Variants in CEP164 observed in about 807,000 individuals in gnomAD.
The protein encoded by CEP164 is centrosomal protein of 164 kDa.
Under a neutral mutation model 182.7 loss-of-function variants are expected in CEP164, and 162 were observed. That is an observed-to-expected ratio of 0.89 (90% CI 0.78 to 1.01). The LOEUF (loss-of-function observed/expected upper bound fraction) is 1.01. Ranked by LOEUF, CEP164 falls within the 50% of genes least tolerant of loss-of-function variation. The pLI, the probability that CEP164 is intolerant of heterozygous loss-of-function variation, is 0.00. For missense variants in CEP164, 1,735 were observed against 1,790.4 expected (o/e 0.97, Z 0.56); for synonymous variants, 661 against 690.0 (o/e 0.96, Z 0.66).
chr11:117,330,469 T>C (rs1364400558), intron 1 of CEP164, among the ~76,000 whole-genome samples: 1 of 152,112 alleles, frequency 6.6e-6, no homozygotes, highest in Non-Finnish European at 1.5e-5. Flanking sequence ...GCCAACATGG[T>C]GAAACCCCAT....
At chr11:117,357,255 C>T (rs545469735) in intron 5 of CEP164, among the ~76,000 whole-genome samples, 1 of 151,614 alleles carries the variant, frequency 6.6e-6, no homozygotes, top group East Asian at 2.0e-4. Flanking sequence ...TACAGGTGCT[C>T]ACCACCACTC....
At chr11:117,395,321 C>A in intron 23 of CEP164, 130 bp downstream of exon 23, 1 of 1,206,694 alleles carries the variant, frequency 8.3e-7, no homozygotes, top group South Asian at 1.4e-5. Flanking sequence ...GGCCAGTATT[C>A]CACAAATAGT....
chr11:117,339,859 A>G (rs1234217794), intron 3 of CEP164, among the ~76,000 whole-genome samples: 2 of 151,322 alleles, frequency 1.3e-5, no homozygotes, highest in South Asian at 2.1e-4. Flanking sequence ...CCTCACTGCA[A>G]CTCCATGAGT....
chr11:117,404,696 C>T (rs1487417993), intron 27 of CEP164, among the ~76,000 whole-genome samples: 3 of 152,260 alleles, frequency 2.0e-5, no homozygotes, highest in Admixed American at 2.0e-4. Flanking sequence ...GGGAGATCTG[C>T]TGCTCTCTTC....
Position 117,392,479 on chromosome 11 carries a change from T to A in CEP164, c.2362-17T>A. On this transcript the variant is annotated splice_polypyrimidine_tract_variant and intron_variant, in intron 18 of 32. Transcript: ENST00000278935. ...TCTGAGGGTCACACTCCCCTGTGTG[T>A]GCGGGGGCCTCCTCAGGTGGTCTCC... 1 of 1,610,262 alleles carries A rather than the reference T, an allele frequency of 6.2e-7. No individual in the cohort carries two copies. Among genetic ancestry groups the A allele is most frequent in the Non-Finnish European group, 8.5e-7 (1 of 1,178,198 alleles).
In CEP164 at chr11:117,361,983, AACTCATGCT is replaced by A; in HGVS notation, c.543_551del (p.Leu182_Leu184del). ...GTGGAGTCTGGACGTCAGCTTGGAG[AACTCATGCT>A]GGTAAGTACGTTCTCTTGCGTTCAG... is the stretch of plus-strand genomic sequence containing the variant. On this transcript the variant is annotated inframe_deletion and splice_region_variant, in exon 6 of 33. Coordinates refer to ENST00000278935, the MANE Select transcript of CEP164 (RefSeq NM_014956.5). 1 of 1,574,166 alleles carries A rather than the reference AACTCATGCT, an allele frequency of 6.4e-7. No homozygotes were observed. The highest frequency in any genetic ancestry group is 8.6e-7 in the Non-Finnish European group (1 of 1,165,600).
intron 8 of CEP164, among the ~76,000 whole-genome samples, chr11:117,370,721 G>A (rs1195078720): frequency 1.3e-5 from 2 of 152,074 alleles, no homozygotes; most frequent in Non-Finnish European, 2.9e-5. Flanking sequence ...GACCAGCCTG[G>A]CCAACATGGC....
intron 27 of CEP164, among the ~76,000 whole-genome samples, chr11:117,401,992 A>G (rs1436808002): frequency 6.6e-6 from 1 of 151,668 alleles, no homozygotes; most frequent in Non-Finnish European, 1.5e-5. Context: ...CTCTGATCTT[A>G]GTTATTTCTT....
At position 117,330,102 on chromosome 11, in the gene CEP164, T is replaced by G. The variant is rs1162985533; in HGVS notation, c.-98+2198T>G. 2.6e-5 allele frequency among the ~76,000 whole-genome samples: 4 copies of G among 152,252 alleles called. No individual in the cohort carries two copies. In the East Asian group the frequency reaches 7.7e-4, roughly 29 times the overall value. On this transcript the variant is annotated intron_variant, in intron 1 of 32. Transcript: ENST00000278935. ...GTGAATTCCCTTACTCCGCTTATCC[T>G]GGGGATCACCTGCTTATCCTTCAAG...
At chr11:117,404,254 A>T (rs2046438944) in intron 27 of CEP164, among the ~76,000 whole-genome samples, 1 of 152,158 alleles carries the variant, frequency 6.6e-6, no homozygotes, top group African/African-American at 2.4e-5. Context: ...TGGAATTTTC[A>T]GCATTTTTGT....
At chr11:117,323,078 T>G (rs1418431904), upstream of CEP164, among the ~76,000 whole-genome samples, 1 of 152,136 alleles carries the variant, frequency 6.6e-6, no homozygotes, top group Non-Finnish European at 1.5e-5. Context: ...ATTTTGTATT[T>G]TTAGTAGAGA....
chr11:117,358,145 G>T (rs2040516405), intron 5 of CEP164, among the ~76,000 whole-genome samples: 1 of 152,186 alleles, frequency 6.6e-6, no homozygotes, highest in Non-Finnish European at 1.5e-5. Context: ...CGGATAAGCT[G>T]CAGATTATCC....
In CEP164 at chr11:117,363,490, G is replaced by A. The variant is rs368668415; in HGVS notation, c.749G>A (p.Gly250Asp). ...NLHLDIGALG[G>D]DFEYEESLRT... is the part of the protein sequence containing the mutation. ...CACCTGGACATTGGGGCACTGGGGG[G>A]TGACTTTGAGTATGAGGTAAGAGCC... is the stretch of plus-strand genomic sequence containing the variant. Residue 250 changes from glycine (G) to aspartate (D), a missense_variant, in exon 8 of 33, where the codon GGT (glycine) becomes GAT (aspartate). By Grantham distance (94) the Gly-to-Asp change is moderately conservative. Transcript: ENST00000278935. The A allele has an allele frequency of 3.7e-6, 6 of 1,613,608 alleles. No homozygotes were observed. Among genetic ancestry groups the A allele is most frequent in the Non-Finnish European group, 5.1e-6 (6 of 1,179,526 alleles).
intron 11 of CEP164, among the ~76,000 whole-genome samples, chr11:117,379,134 A>T (rs746656707): frequency 5.9e-5 from 9 of 152,192 alleles, no homozygotes; most frequent in Non-Finnish European, 1.3e-4. Flanking sequence ...GTGCCCTGCC[A>T]TTGTCTGCAG....
intron 15 of CEP164, 120 bp from the exon 16 acceptor site, chr11:117,390,657 A>T: frequency 1.1e-3 from 1,202 of 1,060,136 alleles, no homozygotes; most frequent in Middle Eastern, 1.9e-3. Flanking sequence ...AAAAAAAAAA[A>T]GATTTAGGAA....
At chr11:117,391,620 C>G (rs907407946) in intron 17 of CEP164, among the ~76,000 whole-genome samples, 3 of 152,284 alleles carry the variant, frequency 2.0e-5, no homozygotes, top group Admixed American at 1.3e-4. Context: ...CCCTCACTGT[C>G]TCTGAGGGAC....
chr11:117,410,871 C>A lies in CEP164; in HGVS notation c.4140C>A (p.Ser1380Arg), dbSNP rs746720978. 1.2e-6 allele frequency: 2 copies of A among 1,613,308 alleles called. No individual in the cohort carries two copies. The highest frequency in any genetic ancestry group is 2.2e-5 in the South Asian group (2 of 90,788). The change falls in exon 31 of 33, where the codon AGC becomes AGA. Residue 1380 changes from serine (S) to arginine (R), a missense_variant. By Grantham distance (110) the Ser-to-Arg change is moderately radical. Coordinates refer to ENST00000278935, the MANE Select transcript of CEP164 (RefSeq NM_014956.5). The stretch of plus-strand genomic sequence containing the variant: ...GCAACAGCCCCACCCCGCTGGAGAG[C>A]AGGCTGGGTTACATGTCTGCCAGGT... ...LLSNSPTPLE[S>R]RLGYMSASEQ...
intron 17 of CEP164, among the ~76,000 whole-genome samples, 188 bp downstream of exon 17, chr11:117,391,403 T>C (rs1261274900): frequency 1.3e-5 from 2 of 151,878 alleles, no homozygotes; most frequent in Non-Finnish European, 2.9e-5. Flanking sequence ...CATTACTCCA[T>C]ATGGACCGAA....
intron 1 of CEP164, among the ~76,000 whole-genome samples, chr11:117,329,936 T>C (rs1351334606): frequency 6.7e-6 from 1 of 149,478 alleles, no homozygotes; most frequent in Non-Finnish European, 1.5e-5. Context: ...TGAAGTGAGA[T>C]GATGTATATA....
Sources: gnomAD v4.1 joint callset for allele counts (sites outside exome capture counted in the v4.1 genomes callset) on GRCh38, gnomAD v4.1.1 for gene constraint, MANE v1.5 for transcripts, NCBI Gene and HGNC (gene_info 2026-07-23, HGNC 2026-07-21) for gene names.